PDE11A: variants seen among roughly 807,000 people sequenced by gnomAD.
The protein encoded by PDE11A is phosphodiesterase 11A, also known as dual 3',5'-cyclic-AMP and -GMP phosphodiesterase 11A.
A neutral mutation model predicts 100.5 loss-of-function variants in PDE11A; 100 were observed. The ratio of observed to expected loss-of-function variants is 1.00; its 90% CI spans 0.85 to 1.18. PDE11A has a LOEUF of 1.18. Among genes scored for constraint, PDE11A ranks in the 50% most tolerant of loss-of-function variants. The pLI is 0.00. For missense variants in PDE11A, 1,141 were observed against 1,152.6 expected, an observed-to-expected ratio of 0.99 and a Z score of 0.15; for synonymous variants, 381 against 420.8, an observed-to-expected ratio of 0.91 and a Z score of 1.16.
Position 177,769,306 on chromosome 2 carries a change from A to G in PDE11A, c.1788+17T>C. On this transcript the variant is annotated intron_variant, in intron 10 of 19. Coordinates refer to ENST00000286063, the MANE Select transcript of PDE11A (RefSeq NM_016953.4). ...TTTAACTGTATGCACTAATAAGGAAACCATTTTCTTCCTTACCTTAAACTT... is the reference window on the plus strand; with the variant it reads ...TTTAACTGTATGCACTAATAAGGAAGCCATTTTCTTCCTTACCTTAAACTT... The G allele has an allele frequency of 6.6e-7, 1 of 1,513,418 alleles. No individual in the cohort carries two copies. Among genetic ancestry groups the G allele is most frequent in the Non-Finnish European group, 9.2e-7 (1 of 1,088,204 alleles). The allele number at this position is 1,513,418 out of a possible 1,614,324, so 93.7% of individuals were successfully genotyped here.
chr2:177,657,466 T>C (rs573206439), intron 19 of PDE11A, among the ~76,000 whole-genome samples: 1 of 152,334 alleles, frequency 6.6e-6, no homozygotes, highest in South Asian at 2.1e-4. Context: ...GCTTTCTACA[T>C]TTCAGAACTC....
chr2:177,929,936 A>G (rs923911539), intron 2 of PDE11A, among the ~76,000 whole-genome samples: 1 of 152,212 alleles, frequency 6.6e-6, no homozygotes, highest in Admixed American at 6.5e-5. Flanking sequence ...CAGGATAAAT[A>G]TGATTATAAT....
chr2:177,785,093 A>T (rs944890483), intron 9 of PDE11A, among the ~76,000 whole-genome samples: 2 of 152,228 alleles, frequency 1.3e-5, no homozygotes, highest in African/African-American at 4.8e-5. Context: ...GCTTTGTGTC[A>T]GACTGCTGAG....
chr2:177,840,142 G>T, intron 6 of PDE11A, 109 bp downstream of exon 6: 1 of 1,143,338 alleles, frequency 8.7e-7, no homozygotes, highest in South Asian at 1.3e-5. Flanking sequence ...TAAGATCACA[G>T]GGGAAGGATG....
At chr2:178,063,741 T>C (rs1034596931) in intron 1 of PDE11A, among the ~76,000 whole-genome samples, 14 of 152,190 alleles carry the variant, frequency 9.2e-5, no homozygotes, top group African/African-American at 3.4e-4. Context: ...GGCTGATTTA[T>C]ATATCAGAGG....
At chr2:177,929,501 G>A (rs1422830842) in intron 2 of PDE11A, among the ~76,000 whole-genome samples, 2 of 152,162 alleles carry the variant, frequency 1.3e-5, no homozygotes, top group Non-Finnish European at 2.9e-5. Context: ...GTATTTTAAA[G>A]CCTGCTAGGA....
chr2:177,841,365 C>T (rs16865821), intron 5 of PDE11A, among the ~76,000 whole-genome samples: 3,468 of 152,276 alleles, frequency 0.023, 59 homozygotes, highest in East Asian at 0.075. Flanking sequence ...TGCAAGCATA[C>T]TAGGGCAAGG....
At chr2:177,887,106 T>G (rs1345870273) in intron 4 of PDE11A, among the ~76,000 whole-genome samples, 1 of 152,158 alleles carries the variant, frequency 6.6e-6, no homozygotes, top group Non-Finnish European at 1.5e-5. Flanking sequence ...GAATAAGTCT[T>G]GGTTTTTGAT....
At chr2:177,871,603 C>T (rs1184776472) in intron 5 of PDE11A, among the ~76,000 whole-genome samples, 5 of 150,646 alleles carry the variant, frequency 3.3e-5, no homozygotes, top group South Asian at 4.2e-4. Context: ...TGGTGGTTCA[C>T]GCCAGCACTT....
intron 2 of PDE11A, among the ~76,000 whole-genome samples, chr2:178,100,977 A>G (rs1269243890): frequency 1.3e-5 from 2 of 152,232 alleles, no homozygotes; most frequent in African/African-American, 4.8e-5. Context: ...TATAAATGCT[A>G]ACAATGAAGA....
chr2:177,936,111 T>C (rs754019871), intron 2 of PDE11A, among the ~76,000 whole-genome samples: 4 of 152,210 alleles, frequency 2.6e-5, no homozygotes, highest in Non-Finnish European at 4.4e-5. Context: ...TGGAATGTTA[T>C]TTGAGAGAGT....
chr2:178,017,590 A>G (rs1055710172), intron 1 of PDE11A, among the ~76,000 whole-genome samples: 4 of 152,184 alleles, frequency 2.6e-5, no homozygotes, highest in Non-Finnish European at 5.9e-5. Flanking sequence ...ACCTGTGGAG[A>G]GGAAGGAAGG....
At chr2:177,875,827 A>G in intron 5 of PDE11A, 32 bp downstream of exon 5, 2 of 1,460,848 alleles carry the variant, frequency 1.4e-6, no homozygotes, top group Non-Finnish European at 1.9e-6. Context: ...ACAAAAGAAC[A>G]TCAAAAGACC....
intron 2 of PDE11A, among the ~76,000 whole-genome samples, chr2:177,946,437 G>T (rs1402394009): frequency 9.6e-5 from 4 of 41,550 alleles, no homozygotes; most frequent in African/African-American, 3.2e-4. Flanking sequence ...CCGGCCAGCC[G>T]CCCCGTCCGG....
In PDE11A at chr2:177,955,552, G is replaced by A. The variant is rs552637906; in HGVS notation, c.1072-50365C>T. On this transcript the variant is annotated intron_variant, in intron 2 of 19. Transcript: ENST00000286063. ...GTGTCTAAGAGACATTGAAGAGCTGGTTAAACAGCCAGTAGGTCTGCAATG... is the reference window on the plus strand; with the variant it reads ...GTGTCTAAGAGACATTGAAGAGCTGATTAAACAGCCAGTAGGTCTGCAATG... Among the ~76,000 whole-genome samples the A allele has an allele frequency of 4.5e-4, 68 of 152,298 alleles. 1 individual carries two copies. Among genetic ancestry groups the A allele is most frequent in the African/African-American group, 1.6e-3 (67 of 41,582 alleles).
At position 177,698,920 on chromosome 2, in the gene PDE11A, T is replaced by C. The variant is rs558190204; in HGVS notation, c.2245-1488A>G. ...GTGGTAGGAAGCTATGGAAAAGCAGTCACCTGGGTCCAGCGATGCACCCAG... is the reference window on the plus strand; with the variant it reads ...GTGGTAGGAAGCTATGGAAAAGCAGCCACCTGGGTCCAGCGATGCACCCAG... On this transcript the variant is annotated intron_variant, in intron 14 of 19. Transcript: ENST00000286063. Among the ~76,000 whole-genome samples, 3 of 152,300 alleles carry C rather than the reference T, an allele frequency of 2.0e-5. No individual in the cohort carries two copies. In the South Asian group the frequency reaches 6.2e-4, roughly 32 times the overall value.
rs189704902 is a variant in PDE11A at position 177,705,418 on chromosome 2, A to G, written c.2154-4207T>C. Among the ~76,000 whole-genome samples, 847 of 152,358 alleles carry G rather than the reference A, an allele frequency of 5.6e-3. 5 individuals are homozygous for G. Among genetic ancestry groups the G allele is most frequent in the Non-Finnish European group, 7.5e-3 (507 of 68,040 alleles). On this transcript the variant is annotated intron_variant, in intron 13 of 19. Coordinates refer to ENST00000286063, the MANE Select transcript of PDE11A (RefSeq NM_016953.4). ...AGGAAGAGAAGAGAATCCAAATTCCATAAGTACAAATACCTTTATACATGT... is the reference window on the plus strand; with the variant it reads ...AGGAAGAGAAGAGAATCCAAATTCCGTAAGTACAAATACCTTTATACATGT...
rs2084763776 is a variant in PDE11A, at chr2:177,905,095, C to T, written c.1161+3G>A. 6.6e-7 allele frequency: 1 copy of T among 1,520,978 alleles called. No individual in the cohort carries two copies. The highest frequency in any genetic ancestry group is 2.3e-5 in the East Asian group (1 of 44,398). 94.2% of individuals were successfully genotyped at this position (1,520,978 alleles called of 1,614,324 possible). On this transcript the variant is annotated splice_donor_region_variant and intron_variant, in intron 3 of 19. Coordinates refer to ENST00000286063, the MANE Select transcript of PDE11A (RefSeq NM_016953.4). ...AGTGTCAACAATGTTTTTATTTACT[C>T]ACTCTGCTTCTTTCATATTCTTTCC...
chr2:177,695,041 T>A (rs1311480699), intron 15 of PDE11A, among the ~76,000 whole-genome samples: 2 of 151,848 alleles, frequency 1.3e-5, no homozygotes, highest in African/African-American at 4.8e-5. Flanking sequence ...TCCTATCGGA[T>A]GCTGAAAAAA....
Sources: gnomAD v4.1 joint callset for allele counts (sites outside exome capture counted in the v4.1 genomes callset) on GRCh38, gnomAD v4.1.1 for gene constraint, MANE v1.5 for transcripts, NCBI Gene and HGNC (gene_info 2026-07-23, HGNC 2026-07-21) for gene names.